The following ME1 variants were observed in gnomAD, a reference collection of about 807,000 sequenced individuals.
The protein encoded by ME1 is NADP-dependent malic enzyme.
In ME1, 74 loss-of-function variants were observed where a neutral mutation model predicts 66.4. The observed-to-expected ratio is 1.11, with a 90% CI of 0.92 to 1.35. The LOEUF is 1.35. Among genes scored for constraint, ME1 ranks in the 40% most tolerant of loss-of-function variants. The pLI is 0.00. For missense variants in ME1, 750 were observed against 694.1 expected, an observed-to-expected ratio of 1.08 and a Z score of -0.90; for synonymous variants, 251 against 235.6, an observed-to-expected ratio of 1.07 and a Z score of -0.60.
At chr6:83,383,771 A>C (rs1360068997) in intron 3 of ME1, among the ~76,000 whole-genome samples, 2 of 151,880 alleles carry the variant, frequency 1.3e-5, no homozygotes, top group Admixed American at 1.3e-4. Context: ...CAATCATATT[A>C]AGATCAGGGT....
At chr6:83,342,360 A>G (rs1382067029) in intron 5 of ME1, among the ~76,000 whole-genome samples, 1 of 152,180 alleles carries the variant, frequency 6.6e-6, no homozygotes, top group Non-Finnish European at 1.5e-5. Flanking sequence ...ACAAGAGTAT[A>G]TAATAACTGT....
intron 6 of ME1, among the ~76,000 whole-genome samples, chr6:83,267,000 G>A (rs1767000900): frequency 6.6e-6 from 1 of 152,084 alleles, no homozygotes; most frequent in African/African-American, 2.4e-5. Flanking sequence ...TTTCAAGAAT[G>A]CAACTTCGTC....
At chr6:83,297,876 T>C (rs1010828456) in intron 6 of ME1, among the ~76,000 whole-genome samples, 1 of 152,218 alleles carries the variant, frequency 6.6e-6, no homozygotes, top group Non-Finnish European at 1.5e-5. Flanking sequence ...TCCATGTCCC[T>C]GCAAAGGACA....
rs1235290750 is a variant in ME1, at chr6:83,261,980, C to T, written c.705-8242G>A. 2.8e-5 allele frequency among the ~76,000 whole-genome samples: 4 copies of T among 144,522 alleles called. No individual in the cohort carries two copies. The South Asian group carries it at 6.5e-4, about 23-fold the overall frequency. The allele number at this position is 144,522 out of a possible 152,430, so 94.8% of individuals were successfully genotyped here. A position where few individuals can be genotyped will look rare whatever the true frequency, so the allele number is the denominator to read the frequency against. ...AGTGAGCCGTGATTGCACCACCGCACTCCAGCCTGGGCAACAGAGCGAGAA... is the reference window on the plus strand; with the variant it reads ...AGTGAGCCGTGATTGCACCACCGCATTCCAGCCTGGGCAACAGAGCGAGAA... On this transcript the variant is annotated intron_variant, in intron 6 of 13. Transcript: ENST00000369705.
intron 3 of ME1, among the ~76,000 whole-genome samples, chr6:83,369,488 A>T (rs1769154736): frequency 6.6e-6 from 1 of 152,096 alleles, no homozygotes; most frequent in Non-Finnish European, 1.5e-5. Context: ...ACTAAGATGG[A>T]TATAACACCT....
chr6:83,354,128 T>C (rs893853041), intron 3 of ME1, among the ~76,000 whole-genome samples: 7 of 152,104 alleles, frequency 4.6e-5, no homozygotes, highest in African/African-American at 1.7e-4. Context: ...AGCACTCTCA[T>C]GGTTGGTTGT....
chr6:83,295,706 A>G (rs1398341993), intron 6 of ME1, among the ~76,000 whole-genome samples: 1 of 152,138 alleles, frequency 6.6e-6, no homozygotes, highest in Non-Finnish European at 1.5e-5. Flanking sequence ...GACATGAAAA[A>G]CTATTTAAAA....
At chr6:83,281,835 AGAAAAGAAAAC>A (rs1767298268) in intron 6 of ME1, among the ~76,000 whole-genome samples, 16 of 116,028 alleles carry the variant, frequency 1.4e-4, no homozygotes, top group South Asian at 7.5e-4. Context: ...AAAAAAAAAA[AGAAAAGAAAAC>A]AAAAAAGAGA....
chr6:83,297,448 A>G (rs968770269), intron 6 of ME1, among the ~76,000 whole-genome samples: 1 of 152,206 alleles, frequency 6.6e-6, no homozygotes, highest in Non-Finnish European at 1.5e-5. Flanking sequence ...CCACAGAACT[A>G]GAAAAGGCTA....
At position 83,406,505 on chromosome 6, in the gene ME1, A is replaced by G. The variant is rs535950875; in HGVS notation, c.212+1263T>C. Reference sequence around the variant, plus strand: ...CTGGCCTCTTCTTTTTAGAGTACTAATCCCATTTCATGAGGGTGCCATTTT... The same window carrying G: ...CTGGCCTCTTCTTTTTAGAGTACTAGTCCCATTTCATGAGGGTGCCATTTT... On this transcript the variant is annotated intron_variant, in intron 2 of 13. Coordinates refer to ENST00000369705, the MANE Select transcript of ME1 (RefSeq NM_002395.6). Among the ~76,000 whole-genome samples, 12 of 152,232 alleles carry G rather than the reference A, an allele frequency of 7.9e-5. No homozygotes were observed. The South Asian group carries it at 2.5e-3, about 32-fold the overall frequency.
At chr6:83,215,653 C>T (rs547433082) in intron 13 of ME1, among the ~76,000 whole-genome samples, 1 of 152,244 alleles carries the variant, frequency 6.6e-6, no homozygotes, top group East Asian at 1.9e-4. Context: ...GACACACAAG[C>T]GTGTACACAC....
chr6:83,298,954 T>G lies in ME1; in HGVS notation c.704+16356A>C, dbSNP rs1009038412. Among the ~76,000 whole-genome samples the G allele has an allele frequency of 8.9e-5, 12 of 134,742 alleles. No individual in the cohort carries two copies. In the East Asian group the frequency reaches 2.0e-3, roughly 22 times the overall value. 88.4% of individuals were successfully genotyped at this position (134,742 alleles called of 152,430 possible). A position where few individuals can be genotyped will look rare whatever the true frequency, so the allele number is the denominator to read the frequency against. On this transcript the variant is annotated intron_variant, in intron 6 of 13. Coordinates refer to ENST00000369705, the MANE Select transcript of ME1 (RefSeq NM_002395.6). Reference sequence around the variant, plus strand: ...CTGTTTTTTTTTTTTTTTTTTTTTTTTTTTTTTTTTTTTTTTTACCAGTAC... The same window carrying G: ...CTGTTTTTTTTTTTTTTTTTTTTTTGTTTTTTTTTTTTTTTTTACCAGTAC...
At chr6:83,269,696 A>G (rs1259612361) in intron 6 of ME1, among the ~76,000 whole-genome samples, 1 of 152,184 alleles carries the variant, frequency 6.6e-6, no homozygotes, top group Non-Finnish European at 1.5e-5. Context: ...AGAAGTTAGT[A>G]ACTAACGCAT....
At chr6:83,246,725 A>T (rs1021057811) in intron 7 of ME1, among the ~76,000 whole-genome samples, 1 of 152,086 alleles carries the variant, frequency 6.6e-6, no homozygotes, top group Admixed American at 6.5e-5. Context: ...CTTCAGGATA[A>T]ATTTGTACAA....
chr6:83,405,201 C>A (rs1769916590), intron 2 of ME1, among the ~76,000 whole-genome samples: 1 of 152,112 alleles, frequency 6.6e-6, no homozygotes, highest in Non-Finnish European at 1.5e-5. Flanking sequence ...GTTTGTAGTT[C>A]TCCTTGAAGA....
At chr6:83,274,535 C>G (rs1011947458) in intron 6 of ME1, among the ~76,000 whole-genome samples, 3 of 152,048 alleles carry the variant, frequency 2.0e-5, no homozygotes, top group Non-Finnish European at 4.4e-5. Context: ...TTCAGTTCTT[C>G]TATTTAGTAT....
rs751026839 is a variant in ME1, at chr6:83,315,323, C to T, written c.691G>A (p.Ala231Thr). ...YDDFLDEFMEAVSSKYGMNCL... is the reference protein window; with the variant it reads ...YDDFLDEFMETVSSKYGMNCL... ...AAAGATACATACTTGGAAGAAACTG[C>T]CTCCATGAATTCGTCCAAAAAATCA... Residue 231 changes from alanine to threonine, a missense_variant, in exon 6 of 14, where the codon GCA (alanine) becomes ACA (threonine). By Grantham distance (58) the Ala-to-Thr change is moderately conservative. Coordinates refer to ENST00000369705, the MANE Select transcript of ME1 (RefSeq NM_002395.6). The T allele has an allele frequency of 2.5e-6, 4 of 1,602,394 alleles. No homozygotes were observed. The highest frequency in any genetic ancestry group is 2.2e-5 in the South Asian group (2 of 90,440).
chr6:83,295,254 G>T (rs747109497), intron 6 of ME1, among the ~76,000 whole-genome samples: 15 of 152,134 alleles, frequency 9.9e-5, no homozygotes, highest in Admixed American at 1.3e-4. Context: ...ATCTAGAAAA[G>T]AATTCTACTG....
intron 3 of ME1, among the ~76,000 whole-genome samples, chr6:83,369,439 G>A (rs1236765735): frequency 6.6e-6 from 1 of 151,934 alleles, no homozygotes; most frequent in Non-Finnish European, 1.5e-5. Flanking sequence ...CTTTACCTAA[G>A]TGCAAAATCT....
Sources: allele counts gnomAD v4.1 joint callset (sites outside exome capture counted in the v4.1 genomes callset), GRCh38; gene constraint gnomAD v4.1.1; transcripts MANE v1.5; gene names NCBI Gene and HGNC (gene_info 2026-07-23, HGNC 2026-07-21).